The following DCAF6 variants were observed in gnomAD, a reference collection of about 807,000 sequenced individuals.
DCAF6 encodes DDB1 and CUL4 associated factor 6.
Under a neutral mutation model 125.1 loss-of-function variants are expected in DCAF6, and 54 were observed. The observed-to-expected ratio is 0.43, with a 90% CI of 0.35 to 0.54. The LOEUF is 0.54. Among genes scored for constraint, DCAF6 ranks in the 20% least tolerant of loss-of-function variants. The probability of loss-of-function intolerance (pLI) is 0.01; values close to 1 mark genes in which losing one functional copy is unlikely to be tolerated. For missense variants in DCAF6, 934 were observed against 1,161.7 expected (o/e 0.80, Z 2.85); for synonymous variants, 371 against 390.4 (o/e 0.95, Z 0.58).
chr1:167,880,484 TACTC>T, the DCAF6 span: 1 of 1,605,862 alleles, frequency 6.2e-7, no homozygotes, highest in East Asian at 2.2e-5. Flanking sequence ...CCAGGGTCAA[TACTC>T]ACTGGATTTT....
intron 12 of DCAF6, among the ~76,000 whole-genome samples, chr1:168,031,888 A>G (rs1371152874): frequency 6.6e-6 from 1 of 152,228 alleles, no homozygotes; most frequent in Non-Finnish European, 1.5e-5. Context: ...AGAGGTATAT[A>G]AAACTACTGG....
At chr1:167,882,868 C>T in the DCAF6 span, among the ~76,000 whole-genome samples, 1 of 152,160 alleles carries the variant, frequency 6.6e-6, no homozygotes. Context: ...TCAGCATCCT[C>T]ATCTATATAA....
intron 12 of DCAF6, chr1:168,023,381 A>G (rs1349673119): frequency 2.8e-6 from 1 of 358,782 alleles, no homozygotes; most frequent in African/African-American, 2.0e-5. Flanking sequence ...GTGTGAGGTT[A>G]ATACTACCTC....
In DCAF6 at chr1:167,981,196, G is replaced by A. The variant is rs111242307; in HGVS notation, c.438+6181G>A. ...GCTGGGCTTACAGGCATGAGCCACCGCTCCCGGCCTCCCCCATGTTTTCTT... is the reference window on the plus strand; with the variant it reads ...GCTGGGCTTACAGGCATGAGCCACCACTCCCGGCCTCCCCCATGTTTTCTT... On this transcript the variant is annotated intron_variant, in intron 4 of 21. Transcript: ENST00000367840. Among the ~76,000 whole-genome samples the A allele has an allele frequency of 7.9e-3, 1,205 of 152,116 alleles. 14 individuals carry two copies. Among genetic ancestry groups the A allele is most frequent in the African/African-American group, 0.027 (1,136 of 41,520 alleles).
chr1:167,932,523 A>T (rs1670938472), upstream of DCAF6, among the ~76,000 whole-genome samples: 1 of 152,100 alleles, frequency 6.6e-6, no homozygotes, highest in African/African-American at 2.4e-5. Flanking sequence ...TTAAGAAAAC[A>T]TTGGGCCGGG....
chr1:168,014,047 C>T (rs1416341379), intron 10 of DCAF6, among the ~76,000 whole-genome samples: 1 of 152,108 alleles, frequency 6.6e-6, no homozygotes, highest in East Asian at 1.9e-4. Flanking sequence ...CCTGCCTTCC[C>T]TTGATTCTTT....
the DCAF6 span, among the ~76,000 whole-genome samples, chr1:167,920,335 T>C: frequency 6.6e-6 from 1 of 152,202 alleles, no homozygotes; most frequent in East Asian, 1.9e-4. Flanking sequence ...AATATGTTCA[T>C]GGCAAAAACC....
intron 10 of DCAF6, among the ~76,000 whole-genome samples, chr1:168,008,371 T>C (rs1234953268): frequency 6.6e-6 from 1 of 152,214 alleles, no homozygotes; most frequent in Non-Finnish European, 1.5e-5. Flanking sequence ...TTTGCTTATT[T>C]GAATAACCTG....
rs1693700944 is a variant in DCAF6, at chr1:168,075,493, A to AT, written c.*65dup. On this transcript the variant is annotated 3_prime_UTR_variant, in exon 22 of 22. Coordinates refer to ENST00000367840, the MANE Select transcript of DCAF6 (RefSeq NM_001198956.2). ...GAAATTTGTATAAGACATTTATTAT[A>AT]TTTTTTTCTTTACAGAGCTTTAGTG... 15 of 1,459,438 alleles carry AT rather than the reference A, an allele frequency of 1.0e-5. No homozygotes were observed. Among genetic ancestry groups the AT allele is most frequent in the Admixed American group, 2.5e-5 (1 of 39,638 alleles). The allele number at this position is 1,459,438 out of a possible 1,614,324, so 90.4% of individuals were successfully genotyped here. A position where few individuals can be genotyped will look rare whatever the true frequency, so the allele number is the denominator to read the frequency against.
chr1:167,903,441 G>A, the DCAF6 span, among the ~76,000 whole-genome samples: 1 of 151,834 alleles, frequency 6.6e-6, no homozygotes, highest in East Asian at 1.9e-4. Context: ...GCGGGCGCCT[G>A]TAATCCTAGC....
At chr1:168,012,013 T>C (rs1040875673) in intron 10 of DCAF6, among the ~76,000 whole-genome samples, 1 of 151,812 alleles carries the variant, frequency 6.6e-6, no homozygotes, top group Admixed American at 6.6e-5. Context: ...AGTGGAAATA[T>C]TAGGTCAATG....
chr1:167,980,394 C>G (rs1678919691), intron 4 of DCAF6, among the ~76,000 whole-genome samples: 1 of 148,876 alleles, frequency 6.7e-6, no homozygotes. Context: ...TGAGGACCCT[C>G]CATACTATTT....
the DCAF6 span, among the ~76,000 whole-genome samples, chr1:167,879,959 A>C: frequency 6.6e-6 from 1 of 152,192 alleles, no homozygotes. Context: ...CTCTGCAAGC[A>C]TTGAGGGCTC....
the DCAF6 span, among the ~76,000 whole-genome samples, chr1:167,921,220 T>C: frequency 1.3e-5 from 2 of 152,024 alleles, no homozygotes; most frequent in Non-Finnish European, 2.9e-5. Context: ...TTTAGTTTTT[T>C]GGTTAGATCA....
At chr1:168,051,752 C>T (rs1689964648) in intron 17 of DCAF6, among the ~76,000 whole-genome samples, 1 of 152,172 alleles carries the variant, frequency 6.6e-6, no homozygotes, top group South Asian at 2.1e-4. Flanking sequence ...GGAGGATTCT[C>T]ATCTACAAGT....
intron 13 of DCAF6, among the ~76,000 whole-genome samples, chr1:168,038,835 T>C (rs1486752083): frequency 6.6e-6 from 1 of 152,058 alleles, no homozygotes; most frequent in Non-Finnish European, 1.5e-5. Context: ...TTTGGGACTT[T>C]TTGCAGTCGT....
intron 17 of DCAF6, chr1:168,056,121 C>G (rs1419018189): frequency 1.9e-6 from 3 of 1,594,408 alleles, no homozygotes; most frequent in African/African-American, 2.8e-5. Context: ...TTCCAAAGCA[C>G]CAAACTCATC....
the DCAF6 span, among the ~76,000 whole-genome samples, chr1:167,876,329 A>G: frequency 6.6e-6 from 1 of 152,050 alleles, no homozygotes; most frequent in Non-Finnish European, 1.5e-5. Context: ...CAAAGAGTTT[A>G]ATTGCCCAAG....
At chr1:167,915,898 G>A in the DCAF6 span, among the ~76,000 whole-genome samples, 1 of 152,176 alleles carries the variant, frequency 6.6e-6, no homozygotes, top group Non-Finnish European at 1.5e-5. Flanking sequence ...CAGAGACAGA[G>A]GTTAACAAAG....
Sources: gnomAD v4.1 joint callset for allele counts (sites outside exome capture counted in the v4.1 genomes callset) on GRCh38, gnomAD v4.1.1 for gene constraint, MANE v1.5 for transcripts, NCBI Gene and HGNC (gene_info 2026-07-23, HGNC 2026-07-21) for gene names.